GALNT13: variants seen among roughly 807,000 people sequenced by gnomAD.
The protein encoded by GALNT13 is polypeptide N-acetylgalactosaminyltransferase 13, also known as UDP-GalNAc:polypeptide N-acetylgalactosaminyltransferase 13.
A neutral mutation model predicts 64.2 loss-of-function variants in GALNT13; 28 were observed. The ratio of observed to expected loss-of-function variants is 0.44; its 90% confidence interval spans 0.32 to 0.60. GALNT13 has a LOEUF of 0.60. GALNT13 is among the 20% of genes least tolerant of loss of function. The pLI, the probability that GALNT13 is intolerant of heterozygous loss-of-function variation, is 0.05. For synonymous variants in GALNT13, 214 were observed against 224.6 expected (o/e 0.95, Z 0.42); for missense variants, 577 against 669.8 (o/e 0.86, Z 1.53).
chr2:154,189,613 T>C (rs566359741), intron 4 of GALNT13, among the ~76,000 whole-genome samples: 1 of 152,284 alleles, frequency 6.6e-6, no homozygotes, highest in East Asian at 1.9e-4. Flanking sequence ...AATTTATGTT[T>C]TCTATGGTAT....
the GALNT13 span, among the ~76,000 whole-genome samples, chr2:153,584,353 A>G: frequency 6.6e-6 from 1 of 152,104 alleles, no homozygotes; most frequent in South Asian, 2.1e-4. Flanking sequence ...AACCCAGTCC[A>G]CCACGTGGGA....
chr2:153,584,224 C>T, the GALNT13 span, among the ~76,000 whole-genome samples: 1 of 152,134 alleles, frequency 6.6e-6, no homozygotes, highest in African/African-American at 2.4e-5. Context: ...ACTGCCCCAC[C>T]CCATCAAGAC....
chr2:153,617,566 T>C, the GALNT13 span, among the ~76,000 whole-genome samples: 1 of 152,022 alleles, frequency 6.6e-6, no homozygotes, highest in Non-Finnish European at 1.5e-5. Flanking sequence ...AGAGTAATAC[T>C]GGCCTTGTAT....
chr2:154,416,157 G>T (rs1559142828), intron 11 of GALNT13, among the ~76,000 whole-genome samples: 4 of 152,048 alleles, frequency 2.6e-5, no homozygotes, highest in Admixed American at 1.3e-4. Context: ...TACTTGGGAT[G>T]GAATGCTGTC....
the GALNT13 span, among the ~76,000 whole-genome samples, chr2:153,363,326 T>C: frequency 2.6e-5 from 4 of 151,602 alleles, no homozygotes; most frequent in Non-Finnish European, 5.9e-5. Flanking sequence ...TGAAAAGAAC[T>C]AGAAAAGCAA....
chr2:153,208,806 A>G, the GALNT13 span, among the ~76,000 whole-genome samples: 2 of 151,932 alleles, frequency 1.3e-5, no homozygotes, highest in African/African-American at 4.8e-5. Flanking sequence ...CTTCTAACCA[A>G]CATTTGGTAT....
chr2:153,796,005 C>T, the GALNT13 span, among the ~76,000 whole-genome samples: 473 of 152,272 alleles, frequency 3.1e-3, 2 homozygotes, highest in African/African-American at 0.011. Context: ...GAATGCAAGT[C>T]GAGAAGAAAG....
the GALNT13 span, among the ~76,000 whole-genome samples, chr2:153,501,366 C>G: frequency 6.6e-6 from 1 of 152,034 alleles, no homozygotes; most frequent in African/African-American, 2.4e-5. Flanking sequence ...GAGTCGCCCT[C>G]TGTCGCCCAG....
the GALNT13 span, among the ~76,000 whole-genome samples, chr2:153,699,847 T>C: frequency 6.6e-6 from 1 of 152,076 alleles, no homozygotes; most frequent in Non-Finnish European, 1.5e-5. Context: ...AGGCAGTGTT[T>C]AATAGCCTAC....
At chr2:153,595,515 A>G in the GALNT13 span, among the ~76,000 whole-genome samples, 2 of 151,998 alleles carry the variant, frequency 1.3e-5, no homozygotes, top group Non-Finnish European at 2.9e-5. Flanking sequence ...AAATCTTTAT[A>G]TTGATTCCTT....
At chr2:153,081,410 C>T in the GALNT13 span, among the ~76,000 whole-genome samples, 17 of 152,126 alleles carry the variant, frequency 1.1e-4, no homozygotes, top group Admixed American at 7.9e-4. Context: ...TATAATTAAG[C>T]TATTATTGAT....
At chr2:153,770,678 A>G in the GALNT13 span, among the ~76,000 whole-genome samples, 6 of 152,222 alleles carry the variant, frequency 3.9e-5, no homozygotes, top group African/African-American at 9.6e-5. Flanking sequence ...GCTGATACAC[A>G]TAGGTATGTA....
chr2:153,932,626 C>CTTTTTTTT (rs34617568), intron 2 of GALNT13, among the ~76,000 whole-genome samples: 18 of 95,618 alleles, frequency 1.9e-4, no homozygotes, highest in East Asian at 3.7e-4. Context: ...TTCTGTCTTT[C>CTTTTTTTT]TTTTTTTTTT....
At chr2:153,335,037 A>G in the GALNT13 span, among the ~76,000 whole-genome samples, 5 of 152,158 alleles carry the variant, frequency 3.3e-5, no homozygotes, top group Admixed American at 6.5e-5. Context: ...TGATGGGTTT[A>G]TCAGGGGTTT....
At chr2:154,170,927 G>A (rs1685313828) in intron 4 of GALNT13, among the ~76,000 whole-genome samples, 1 of 152,160 alleles carries the variant, frequency 6.6e-6, no homozygotes, top group Non-Finnish European at 1.5e-5. Flanking sequence ...TGCTGGAGAA[G>A]CTTTCAATGC....
At chr2:154,036,577 G>A (rs1698669633) in intron 3 of GALNT13, among the ~76,000 whole-genome samples, 1 of 152,076 alleles carries the variant, frequency 6.6e-6, no homozygotes, top group South Asian at 2.1e-4. Flanking sequence ...GTTTATATGA[G>A]TGTGAATATG....
chr2:153,249,666 T>C, the GALNT13 span, among the ~76,000 whole-genome samples: 22 of 152,148 alleles, frequency 1.4e-4, no homozygotes, highest in African/African-American at 9.7e-5. Context: ...AGGGTACTGA[T>C]ACCAAAACAG....
the GALNT13 span, among the ~76,000 whole-genome samples, chr2:153,573,579 C>T: frequency 4.7e-5 from 7 of 149,484 alleles, 1 homozygote; most frequent in Admixed American, 4.7e-4. Context: ...TAATTTCTCA[C>T]GTTTTATTTT....
intron 3 of GALNT13, among the ~76,000 whole-genome samples, chr2:154,123,335 T>C (rs772217760): frequency 1.3e-5 from 2 of 152,000 alleles, no homozygotes; most frequent in African/African-American, 2.4e-5. Context: ...TATCTAAAAC[T>C]GTTCAAGTAA....
Sources: gnomAD v4.1 joint callset for allele counts (sites outside exome capture counted in the v4.1 genomes callset) on GRCh38, gnomAD v4.1.1 for gene constraint, MANE v1.5 for transcripts, NCBI Gene and HGNC (gene_info 2026-07-23, HGNC 2026-07-21) for gene names.